CLEC4F: variants seen among roughly 807,000 people sequenced by gnomAD.
CLEC4F encodes C-type lectin domain family 4 member F, also known as C-type (calcium dependent, carbohydrate-recognition domain) lectin, superfamily member 13.
Under a neutral mutation model 53.4 loss-of-function variants are expected in CLEC4F, and 45 were observed. The observed-to-expected ratio is 0.84, with a 90% CI of 0.66 to 1.08. The LOEUF is 1.08. Ranked by LOEUF, CLEC4F falls within the 50% of genes least tolerant of loss-of-function variation. The pLI is 0.00. For missense variants in CLEC4F, 753 were observed against 698.2 expected (o/e 1.08, Z -0.88); for synonymous variants, 245 against 257.5 (o/e 0.95, Z 0.46).
upstream of CLEC4F, among the ~76,000 whole-genome samples, chr2:70,824,942 C>T (rs1677311507): frequency 6.6e-6 from 1 of 152,172 alleles, no homozygotes; most frequent in Non-Finnish European, 1.5e-5. Context: ...CATATAGTGA[C>T]TTCCTTCCAA....
Position 70,819,789 on chromosome 2 carries a change from G to C in CLEC4F, c.164C>G (p.Thr55Ser), listed in dbSNP as rs782320107. 1 of 1,598,042 alleles carries C rather than the reference G, an allele frequency of 6.3e-7. No individual in the cohort carries two copies. Among genetic ancestry groups the C allele is most frequent in the South Asian group, 1.1e-5 (1 of 88,072 alleles). ...TGGGGGCTTACCCACTACAAAGAGA[G>C]TCACAAGAGAGAAGACCAAGGTCAC... Reference protein sequence around the residue: ...MAVTLVFSLVTLFVVVQQQTR... With the variant: ...MAVTLVFSLVSLFVVVQQQTR... The change falls in exon 2 of 7, where the codon ACT becomes AGT. Residue 55 changes from threonine to serine, a missense_variant. Physicochemically the swap from Thr to Ser is moderately conservative, Grantham distance 58 (BLOSUM62 1). Coordinates refer to ENST00000272367, the MANE Select transcript of CLEC4F (RefSeq NM_173535.3).
chr2:70,816,027 T>C lies in CLEC4F; in HGVS notation c.1354A>G (p.Ile452Val), dbSNP rs2104656813. The C allele has an allele frequency of 6.2e-7, 1 of 1,614,012 alleles. No homozygotes were observed. The highest frequency in any genetic ancestry group is 8.5e-7 in the Non-Finnish European group (1 of 1,179,982). The change falls in exon 4 of 7, where the codon ATT becomes GTT. Residue 452 changes from isoleucine to valine, a missense_variant. Transcript: ENST00000272367. ...QSRLKTLHVVITSQEQLQRTQ... is the reference protein window; with the variant it reads ...QSRLKTLHVVVTSQEQLQRTQ... Reference sequence around the variant, plus strand: ...CTTTGTAGCTGTTCCTGTGAAGTAATGACCACATGGAGGGTCTTCAGGCGA... The same window carrying C: ...CTTTGTAGCTGTTCCTGTGAAGTAACGACCACATGGAGGGTCTTCAGGCGA...
upstream of CLEC4F, among the ~76,000 whole-genome samples, chr2:70,824,840 G>A (rs1169552433): frequency 1.3e-5 from 2 of 152,138 alleles, no homozygotes; most frequent in African/African-American, 4.8e-5. Context: ...AAATAGATAA[G>A]TCTCTAGGGC....
rs782170151 is a variant in CLEC4F at position 70,816,731 on chromosome 2, C to T, written c.650G>A (p.Arg217Lys). 1 of 1,614,152 alleles carries T rather than the reference C, an allele frequency of 6.2e-7. No homozygotes were observed. Among genetic ancestry groups the T allele is most frequent in the South Asian group, 1.1e-5 (1 of 91,070 alleles). Residue 217 changes from arginine to lysine, a missense_variant, in exon 4 of 7, where the codon AGA (arginine) becomes AAA (lysine). Transcript: ENST00000272367. ...NTSIELHVLS[R>K]GLENANSEIQ... ...TTCAGAGTTTGCATTTTCTAAGCCT[C>T]TGCTTAGCACGTGGAGCTCAATGCT...
intron 4 of CLEC4F, 73 bp from the exon 5 acceptor site, chr2:70,812,671 T>G (rs1676633684): frequency 6.7e-7 from 1 of 1,497,896 alleles, no homozygotes; most frequent in Non-Finnish European, 9.1e-7. Context: ...TTTTCTGACC[T>G]CTCTAGGGCC....
chr2:70,813,222 C>T lies in CLEC4F; in HGVS notation c.1388-624G>A, dbSNP rs75689424. Among the ~76,000 whole-genome samples the T allele has an allele frequency of 3.1e-4, 47 of 152,348 alleles. No homozygotes were observed. The East Asian group carries it at 8.3e-3, about 27-fold the overall frequency. ...ATCACCAAATTGTTCTTTTGTTCAA[C>T]GTGCATTGTGCAACGTTCCTTAACT... On this transcript the variant is annotated intron_variant, in intron 4 of 6. Coordinates refer to ENST00000272367, the MANE Select transcript of CLEC4F (RefSeq NM_173535.3).
intron 5 of CLEC4F, chr2:70,811,485 C>A: frequency 2.0e-6 from 1 of 506,904 alleles, no homozygotes; most frequent in Admixed American, 2.5e-5. Context: ...AGTGCCAGCA[C>A]CTCCCATAGC....
chr2:70,824,621 C>CAAAA (rs1388918958), upstream of CLEC4F, among the ~76,000 whole-genome samples: 2,104 of 38,046 alleles, frequency 0.055, 301 homozygotes, highest in Middle Eastern at 0.17. Flanking sequence ...TGCTTAGTTA[C>CAAAA]CAAAAAAAAA....
intron 4 of CLEC4F, among the ~76,000 whole-genome samples, chr2:70,813,532 TTTC>T (rs1181043893): frequency 2.0e-5 from 3 of 150,356 alleles, no homozygotes; most frequent in African/African-American, 7.4e-5. Flanking sequence ...TCTTTCTTTC[TTTC>T]TTTTTTTCTT....
intron 4 of CLEC4F, among the ~76,000 whole-genome samples, chr2:70,813,123 C>A (rs895378715): frequency 6.6e-6 from 1 of 152,212 alleles, no homozygotes; most frequent in Non-Finnish European, 1.5e-5. Flanking sequence ...TTCTTCCCTC[C>A]CTGCCACAAC....
rs1553396373 is a variant in CLEC4F, at chr2:70,816,889, C to A, written c.492G>T (p.Leu164Phe). The A allele has an allele frequency of 6.2e-7, 1 of 1,614,188 alleles. No individual in the cohort carries two copies. Among genetic ancestry groups the A allele is most frequent in the East Asian group, 2.2e-5 (1 of 44,886 alleles). Reference sequence around the variant, plus strand: ...GGGAACTCCTTAACATCTGTGTCTGCAAACTCAATGTAGTGGCATCCTTTA... The same window carrying A: ...GGGAACTCCTTAACATCTGTGTCTGAAAACTCAATGTAGTGGCATCCTTTA... ...GVLKDATTLS[L>F]QTQMLRSSLE... Residue 164 changes from leucine to phenylalanine, a missense_variant, in exon 4 of 7, where the codon TTG (leucine) becomes TTT (phenylalanine). Physicochemically the swap from Leu to Phe is conservative, Grantham distance 22 (BLOSUM62 0). Coordinates refer to ENST00000272367, the MANE Select transcript of CLEC4F (RefSeq NM_173535.3).
At position 70,812,509 on chromosome 2, in the gene CLEC4F, C is replaced by A. The variant is rs782445834; in HGVS notation, c.1477G>T (p.Ala493Ser). ...FSSVKKSWHE[A>S]EQFCVSQGAH... is the part of the protein sequence containing the mutation. The stretch of plus-strand genomic sequence containing the variant: ...CCCTGGGACACGCAGAACTGCTCAG[C>A]CTCATGCCAAGACTTCTTGACACTA... The change falls in exon 5 of 7, where the codon GCT (alanine) becomes TCT (serine). Residue 493 changes from alanine (A) to serine (S), a missense_variant. Transcript: ENST00000272367. 4 of 1,614,098 alleles carry A rather than the reference C, an allele frequency of 2.5e-6. No individual in the cohort carries two copies. In the Admixed American group the frequency reaches 6.7e-5, roughly 27 times the overall value.
chr2:70,812,810 G>A (rs1188197799), intron 4 of CLEC4F, among the ~76,000 whole-genome samples: 5 of 152,128 alleles, frequency 3.3e-5, no homozygotes, highest in Non-Finnish European at 5.9e-5. Context: ...CCTGGCTTGG[G>A]CACTCCTGGG....
At chr2:70,823,298 G>A (rs887952810), upstream of CLEC4F, among the ~76,000 whole-genome samples, 9 of 152,228 alleles carry the variant, frequency 5.9e-5, no homozygotes, top group Non-Finnish European at 7.3e-5. Flanking sequence ...AGCGCTGCCT[G>A]AGATCCCAGT....
chr2:70,819,312 G>A (rs782667813), intron 3 of CLEC4F, 43 bp downstream of exon 3: 4 of 1,480,660 alleles, frequency 2.7e-6, no homozygotes, highest in East Asian at 2.3e-5. Flanking sequence ...GCATCTGAAG[G>A]CCCCAGTTCC....
rs1553395828 is a variant in CLEC4F, at chr2:70,816,255, T to C, written c.1126A>G (p.Ile376Val). 1.2e-6 allele frequency: 2 copies of C among 1,614,232 alleles called. No individual in the cohort carries two copies. Among genetic ancestry groups the C allele is most frequent in the Admixed American group, 3.3e-5 (2 of 60,028 alleles). The change falls in exon 4 of 7, where the codon ATT becomes GTT. Residue 376 changes from isoleucine (I) to valine (V), a missense_variant. Coordinates refer to ENST00000272367, the MANE Select transcript of CLEC4F (RefSeq NM_173535.3). ...MENVNTLNAQ[I>V]QVLNGHMKNA... is the part of the protein sequence containing the mutation. ...TTCATATGACCATTTAAGACCTGAA[T>C]CTGGGCATTTAAGGTATTCACATTT...
At position 70,812,493 on chromosome 2, in the gene CLEC4F, A is replaced by T; in HGVS notation, c.1493T>A (p.Val498Glu). ...AGATGCCAGATGGGCTCCCTGGGACACGCAGAACTGCTCAGCCTCATGCCA... is the reference window on the plus strand; with the variant it reads ...AGATGCCAGATGGGCTCCCTGGGACTCGCAGAACTGCTCAGCCTCATGCCA... ...KSWHEAEQFC[V>E]SQGAHLASVA... is the part of the protein sequence containing the mutation. The change falls in exon 5 of 7, where the codon GTG (valine) becomes GAG (glutamate). Residue 498 changes from valine to glutamate, a missense_variant. Physicochemically the swap from Val to Glu is moderately radical, Grantham distance 121 (BLOSUM62 -2). Coordinates refer to ENST00000272367, the MANE Select transcript of CLEC4F (RefSeq NM_173535.3). 1 of 1,614,236 alleles carries T rather than the reference A, an allele frequency of 6.2e-7. No homozygotes were observed. The highest frequency in any genetic ancestry group is 2.2e-5 in the East Asian group (1 of 44,888).
Position 70,815,873 on chromosome 2 carries a change from A to G in CLEC4F, c.1387+121T>C, listed in dbSNP as rs577133748. 23 of 1,122,770 alleles carry G rather than the reference A, an allele frequency of 2.0e-5. No individual in the cohort carries two copies. The Middle Eastern group carries it at 1.2e-3, about 59-fold the overall frequency. 69.6% of individuals were successfully genotyped at this position (1,122,770 alleles called of 1,614,324 possible). ...ACAACTGCCCAGTTTCCTTGGGCCC[A>G]TTTCCCTGGATTTGGTCAAGGAGAT... On this transcript the variant is annotated intron_variant, in intron 4 of 6. Coordinates refer to ENST00000272367, the MANE Select transcript of CLEC4F (RefSeq NM_173535.3).
upstream of CLEC4F, among the ~76,000 whole-genome samples, chr2:70,823,482 T>C (rs972434452): frequency 7.2e-5 from 11 of 152,230 alleles, no homozygotes; most frequent in East Asian, 2.1e-3. Context: ...AGGACCTATT[T>C]CCTCCTGAGG....
Sources: gnomAD v4.1 joint callset for allele counts (sites outside exome capture counted in the v4.1 genomes callset) on GRCh38, gnomAD v4.1.1 for gene constraint, MANE v1.5 for transcripts, NCBI Gene and HGNC (gene_info 2026-07-23, HGNC 2026-07-21) for gene names.